Variants in COX7B2 observed in about 807,000 individuals in gnomAD.
The protein encoded by COX7B2 is cytochrome c oxidase subunit 7B2, mitochondrial.
For missense variants in COX7B2, 109 were observed against 95.9 expected (o/e 1.14, Z -0.57); for synonymous variants, 37 against 32.1 (o/e 1.15, Z -0.51).
At chr4:46,808,776 G>A (rs904433188) in intron 2 of COX7B2, among the ~76,000 whole-genome samples, 1 of 151,846 alleles carries the variant, frequency 6.6e-6, no homozygotes, top group Non-Finnish European at 1.5e-5. Context: ...TGCTTTTTCT[G>A]CATCAATTGA....
intron 1 of COX7B2, among the ~76,000 whole-genome samples, chr4:46,862,618 A>G (rs1717404395): frequency 6.6e-6 from 1 of 152,216 alleles, no homozygotes; most frequent in African/African-American, 2.4e-5. Flanking sequence ...AAATTTTGAT[A>G]AATAAGACTA....
chr4:46,803,104 A>G (rs746858678), intron 2 of COX7B2, among the ~76,000 whole-genome samples: 11 of 152,310 alleles, frequency 7.2e-5, no homozygotes, highest in Non-Finnish European at 1.3e-4. Flanking sequence ...AGAGAAGTTA[A>G]GTCTTCCATT....
intron 1 of COX7B2, among the ~76,000 whole-genome samples, chr4:46,875,254 T>A (rs931499939): frequency 6.6e-6 from 1 of 152,226 alleles, no homozygotes; most frequent in Non-Finnish European, 1.5e-5. Flanking sequence ...AAAGGCATTT[T>A]AAACTCAATG....
chr4:46,740,307 C>A (rs1020474137), intron 2 of COX7B2, among the ~76,000 whole-genome samples: 4 of 151,992 alleles, frequency 2.6e-5, no homozygotes, highest in African/African-American at 9.7e-5. Flanking sequence ...AGTTTCAGGA[C>A]AATGTTAACT....
At chr4:46,861,565 G>C (rs1717336094) in intron 1 of COX7B2, among the ~76,000 whole-genome samples, 1 of 152,062 alleles carries the variant, frequency 6.6e-6, no homozygotes, top group Non-Finnish European at 1.5e-5. Flanking sequence ...ACATTGCTCA[G>C]GTCTAGTACA....
chr4:46,880,510 C>G (rs1718647085), intron 1 of COX7B2, among the ~76,000 whole-genome samples: 1 of 145,756 alleles, frequency 6.9e-6, no homozygotes, highest in Non-Finnish European at 1.5e-5. Flanking sequence ...TTATTCATGG[C>G]TCAGTCTTGG....
intron 2 of COX7B2, among the ~76,000 whole-genome samples, chr4:46,831,185 A>G (rs984900413): frequency 6.6e-6 from 1 of 152,226 alleles, no homozygotes; most frequent in East Asian, 1.9e-4. Flanking sequence ...CCCCCAGGCC[A>G]GCAGCTGCGG....
At chr4:46,782,976 C>T (rs897545794) in intron 2 of COX7B2, among the ~76,000 whole-genome samples, 2 of 152,082 alleles carry the variant, frequency 1.3e-5, no homozygotes, top group African/African-American at 2.4e-5. Flanking sequence ...CCACCAATTC[C>T]GGACATAATA....
intron 2 of COX7B2, among the ~76,000 whole-genome samples, chr4:46,833,555 CA>C (rs571382683): frequency 6.1e-4 from 93 of 152,186 alleles, no homozygotes; most frequent in Non-Finnish European, 1.1e-3. Context: ...AAGTAAAACT[CA>C]GAGAAACTCA....
At chr4:46,895,825 G>C (rs1719728127) in intron 1 of COX7B2, among the ~76,000 whole-genome samples, 2 of 152,082 alleles carry the variant, frequency 1.3e-5, no homozygotes, top group South Asian at 4.1e-4. Context: ...CCCTAAGGGA[G>C]AAATTCAGCA....
chr4:46,804,298 C>T (rs924128107), intron 2 of COX7B2, among the ~76,000 whole-genome samples: 19 of 152,266 alleles, frequency 1.2e-4, no homozygotes, highest in African/African-American at 4.6e-4. Flanking sequence ...GAAGCTTCCA[C>T]GGTACGGAAA....
intron 2 of COX7B2, among the ~76,000 whole-genome samples, chr4:46,783,187 T>G (rs1040003609): frequency 6.6e-6 from 1 of 152,200 alleles, no homozygotes; most frequent in Non-Finnish European, 1.5e-5. Flanking sequence ...GAGTGGAATA[T>G]TGCAACACTG....
At chr4:46,888,219 G>A (rs547109930) in intron 1 of COX7B2, among the ~76,000 whole-genome samples, 202 of 152,228 alleles carry the variant, frequency 1.3e-3, no homozygotes, top group Admixed American at 4.4e-3. Flanking sequence ...TCACAGTGGT[G>A]CCTTCAGGTA....
At chr4:46,808,201 T>C in intron 2 of COX7B2, among the ~76,000 whole-genome samples, 1 of 152,006 alleles carries the variant, frequency 6.6e-6, no homozygotes, top group African/African-American at 2.4e-5. Flanking sequence ...ATCTCTTTCA[T>C]TAAATGTTTT....
At chr4:46,865,569 T>A (rs1717618958) in intron 1 of COX7B2, among the ~76,000 whole-genome samples, 1 of 152,162 alleles carries the variant, frequency 6.6e-6, no homozygotes, top group Admixed American at 6.5e-5. Flanking sequence ...TAATACTCTT[T>A]CTCTACCGCT....
intron 2 of COX7B2, among the ~76,000 whole-genome samples, chr4:46,801,089 C>T (rs1718630629): frequency 6.6e-6 from 1 of 152,072 alleles, no homozygotes; most frequent in Non-Finnish European, 1.5e-5. Flanking sequence ...CAAAAAATAA[C>T]AGACTCTGGC....
At chr4:46,804,862 G>A (rs979663927) in intron 2 of COX7B2, among the ~76,000 whole-genome samples, 2 of 152,226 alleles carry the variant, frequency 1.3e-5, no homozygotes, top group Non-Finnish European at 2.9e-5. Flanking sequence ...TGATGGGACT[G>A]GGCACCGTGG....
At chr4:46,846,092 G>A (rs1430578381) in intron 1 of COX7B2, among the ~76,000 whole-genome samples, 2 of 152,024 alleles carry the variant, frequency 1.3e-5, no homozygotes, top group South Asian at 2.1e-4. Flanking sequence ...AGTTTCAAAC[G>A]TTTTGAAGGT....
At chr4:46,782,239 A>T (rs1717502792) in intron 2 of COX7B2, among the ~76,000 whole-genome samples, 1 of 152,012 alleles carries the variant, frequency 6.6e-6, no homozygotes, top group Non-Finnish European at 1.5e-5. Context: ...CTCTGTATGT[A>T]GCTAATCTGG....
Sources: allele counts gnomAD v4.1 joint callset (sites outside exome capture counted in the v4.1 genomes callset), GRCh38; gene constraint gnomAD v4.1.1; transcripts MANE v1.5; gene names NCBI Gene and HGNC (gene_info 2026-07-23, HGNC 2026-07-21).